The following PCDH15 variants were observed in gnomAD, a reference collection of about 807,000 sequenced individuals.
PCDH15 encodes the protein protocadherin-15.
PCDH15 carries 129 observed loss-of-function variants against 178.5 expected under a neutral mutation model. The observed-to-expected ratio is 0.72, with a 90% CI of 0.63 to 0.84. PCDH15 has a LOEUF of 0.84. Ranked by LOEUF, PCDH15 falls within the 40% of genes least tolerant of loss-of-function variation. PCDH15 has a pLI of 0.00. For synonymous variants in PCDH15, 800 were observed against 732.0 expected (o/e 1.09, Z -1.50); for missense variants, 2,230 against 2,099.9 (o/e 1.06, Z -1.21).
intron 3 of PCDH15, among the ~76,000 whole-genome samples, chr10:54,524,384 C>T (rs1565501693): frequency 6.6e-6 from 1 of 152,218 alleles, no homozygotes; most frequent in Non-Finnish European, 1.5e-5. Flanking sequence ...AAATCATTTT[C>T]TCCTTCTCTT....
intron 8 of PCDH15, among the ~76,000 whole-genome samples, chr10:54,262,160 T>C (rs975713032): frequency 5.9e-5 from 9 of 152,114 alleles, no homozygotes; most frequent in Admixed American, 3.3e-4. Context: ...GAGGCACAGT[T>C]TGAACCCACA....
intron 2 of PCDH15, among the ~76,000 whole-genome samples, chr10:54,624,416 G>T (rs553488690): frequency 6.6e-6 from 1 of 152,270 alleles, no homozygotes; most frequent in East Asian, 1.9e-4. Context: ...AACATTAAAA[G>T]TGTCATAAAG....
chr10:54,629,384 A>G (rs912143971), intron 2 of PCDH15, among the ~76,000 whole-genome samples: 1 of 152,190 alleles, frequency 6.6e-6, no homozygotes, highest in Non-Finnish European at 1.5e-5. Context: ...GCACATGAAA[A>G]AGTTAATTCA....
chr10:54,317,260 A>T lies in PCDH15; in HGVS notation c.876+11T>A, dbSNP rs1324966546. ...ATGCAAATAAATGGAGAAAGATAAG[A>T]GTATATTTACCGGAGTTCTCAACTC... is the stretch of plus-strand genomic sequence containing the variant. On this transcript the variant is annotated intron_variant, in intron 8 of 37. Transcript: ENST00000644397. 1 of 1,610,664 alleles carries T rather than the reference A, an allele frequency of 6.2e-7. No individual in the cohort carries two copies. The highest frequency in any genetic ancestry group is 8.5e-7 in the Non-Finnish European group (1 of 1,176,954).
chr10:54,523,408 T>G (rs768564396), intron 3 of PCDH15, among the ~76,000 whole-genome samples: 5 of 152,154 alleles, frequency 3.3e-5, no homozygotes, highest in Non-Finnish European at 5.9e-5. Flanking sequence ...CTATTCATAC[T>G]GAAAAGTAAT....
chr10:55,485,296 A>G (rs1840272274), intron 2 of PCDH15, among the ~76,000 whole-genome samples: 1 of 151,704 alleles, frequency 6.6e-6, no homozygotes, highest in Admixed American at 6.6e-5. Flanking sequence ...CTAGTGTGCC[A>G]TTATTGGAAT....
At chr10:53,847,473 C>T (rs1564601467) in intron 28 of PCDH15, among the ~76,000 whole-genome samples, 1 of 152,046 alleles carries the variant, frequency 6.6e-6, no homozygotes, top group Admixed American at 6.6e-5. Flanking sequence ...GGACTCTACC[C>T]AGACCATATC....
At chr10:54,359,051 C>G (rs1945548077) in intron 5 of PCDH15, among the ~76,000 whole-genome samples, 1 of 150,320 alleles carries the variant, frequency 6.7e-6, no homozygotes, top group Non-Finnish European at 1.5e-5. Context: ...AGGAGATATA[C>G]CTAATGCTAA....
intron 2 of PCDH15, among the ~76,000 whole-genome samples, chr10:55,155,335 G>A (rs184514043): frequency 4.0e-4 from 60 of 151,520 alleles, no homozygotes; most frequent in Admixed American, 2.7e-3. Context: ...GTTTAATCTC[G>A]TCTTAGTTAT....
chr10:54,044,030 T>G (rs2093606333), intron 18 of PCDH15, among the ~76,000 whole-genome samples: 1 of 152,016 alleles, frequency 6.6e-6, no homozygotes, highest in Admixed American at 6.6e-5. Flanking sequence ...CTGCTATGAG[T>G]AGAAAAGGAT....
At chr10:54,625,924 G>A (rs1310894172) in intron 2 of PCDH15, among the ~76,000 whole-genome samples, 5 of 152,116 alleles carry the variant, frequency 3.3e-5, no homozygotes, top group Admixed American at 2.6e-4. Flanking sequence ...CAAAAATGCT[G>A]ATAGTGATAT....
chr10:54,307,040 GTATATATA>G (rs1158139613), intron 8 of PCDH15, among the ~76,000 whole-genome samples: 4 of 29,328 alleles, frequency 1.4e-4, no homozygotes, highest in South Asian at 1.6e-3. Context: ...GTGTGTGTGT[GTATATATA>G]TATATATATA....
rs774621942 is a variant in PCDH15 at position 54,022,951 on chromosome 10, T to C, written c.2467A>G (p.Thr823Ala). The C allele has an allele frequency of 6.2e-7, 1 of 1,613,956 alleles. No homozygotes were observed. Among genetic ancestry groups the C allele is most frequent in the South Asian group, 1.1e-5 (1 of 91,082 alleles). ...TTCTCTTCAACAAGGACAGTGTATG[T>C]TGAATTGGTGAACACAGGACTGTTA... Reference protein sequence around the residue: ...DDNSPVFTNSTYTVLVEENLP... With the variant: ...DDNSPVFTNSAYTVLVEENLP... Residue 823 changes from threonine to alanine, a missense_variant, in exon 19 of 38, where the codon ACA becomes GCA. Coordinates refer to ENST00000644397, the MANE Select transcript of PCDH15 (RefSeq NM_001384140.1).
At chr10:54,374,486 T>C (rs1948121179) in intron 4 of PCDH15, among the ~76,000 whole-genome samples, 1 of 152,114 alleles carries the variant, frequency 6.6e-6, no homozygotes, top group South Asian at 2.1e-4. Context: ...ACCATTATTA[T>C]CACATGCCCA....
chr10:54,265,557 G>A (rs10825288), intron 8 of PCDH15, among the ~76,000 whole-genome samples: 106,684 of 151,490 alleles, frequency 0.7, 38,457 homozygotes, highest in Middle Eastern at 0.77. Context: ...ACACTCATGG[G>A]TTCAAAGTAA....
At chr10:54,910,556 A>G (rs927355702) in intron 2 of PCDH15, among the ~76,000 whole-genome samples, 6 of 152,142 alleles carry the variant, frequency 3.9e-5, no homozygotes, top group Non-Finnish European at 8.8e-5. Flanking sequence ...AGAATGGTAT[A>G]TGATCCACTT....
intron 1 of PCDH15, among the ~76,000 whole-genome samples, chr10:55,262,426 A>G (rs1842169256): frequency 6.6e-6 from 1 of 152,162 alleles, no homozygotes; most frequent in African/African-American, 2.4e-5. Context: ...TCCTGTGCTT[A>G]TAAAAACACT....
chr10:55,308,448 G>C (rs1283417717), intron 1 of PCDH15, among the ~76,000 whole-genome samples: 1 of 152,134 alleles, frequency 6.6e-6, no homozygotes, highest in Non-Finnish European at 1.5e-5. Context: ...CAGGAAAGAT[G>C]GTCCACGAAG....
intron 8 of PCDH15, among the ~76,000 whole-genome samples, chr10:54,253,009 T>C (rs1417991879): frequency 6.6e-6 from 1 of 151,996 alleles, no homozygotes; most frequent in East Asian, 1.9e-4. Flanking sequence ...ACCAAGGTAT[T>C]GATTGAATTA....
Sources: allele counts gnomAD v4.1 joint callset (sites outside exome capture counted in the v4.1 genomes callset), GRCh38; gene constraint gnomAD v4.1.1; transcripts MANE v1.5; gene names NCBI Gene and HGNC (gene_info 2026-07-23, HGNC 2026-07-21).